Variants in ARHGEF10L observed in about 807,000 individuals in gnomAD.
ARHGEF10L encodes rho guanine nucleotide exchange factor 10-like protein.
ARHGEF10L carries 69 observed loss-of-function variants against 141.2 expected under a neutral mutation model. The observed-to-expected ratio is 0.49, with a 90% CI of 0.40 to 0.60. The LOEUF is 0.60. ARHGEF10L is among the 20% of genes least tolerant of loss of function. ARHGEF10L has a pLI of 0.00. For synonymous variants in ARHGEF10L, 711 were observed against 718.5 expected, an observed-to-expected ratio of 0.99 and a Z score of 0.17; for missense variants, 1,482 against 1,734.3, an observed-to-expected ratio of 0.85 and a Z score of 2.58.
At chr1:17,519,507 G>A in the ARHGEF10L span, among the ~76,000 whole-genome samples, 4 of 152,112 alleles carry the variant, frequency 2.6e-5, no homozygotes, top group Non-Finnish European at 5.9e-5. Flanking sequence ...CTACTTGGGA[G>A]GCTGAGGTGG....
intron 1 of ARHGEF10L, among the ~76,000 whole-genome samples, chr1:17,574,797 G>T (rs1315984251): frequency 3.9e-5 from 6 of 152,200 alleles, no homozygotes; most frequent in Non-Finnish European, 1.5e-5. Context: ...GCCCTGCGTG[G>T]GGGAGCCGTG....
the ARHGEF10L span, among the ~76,000 whole-genome samples, chr1:17,533,756 A>T: frequency 6.6e-6 from 1 of 152,148 alleles, no homozygotes; most frequent in Non-Finnish European, 1.5e-5. Flanking sequence ...GGAGGGTTTC[A>T]TCTTGATGAG....
chr1:17,697,228 G>C lies in ARHGEF10L; in HGVS notation c.3688G>C (p.Ala1230Pro). ...WVRSRPCARD[A>P]HRKEICSVAI... ...GCGCAGCCGGCCCTGCGCCCGCGAC[G>C]CCCACCGCAAGGAGATTTGCTCTGT... Residue 1230 changes from alanine to proline, a missense_variant, in exon 29 of 29, where the codon GCC (alanine) becomes CCC (proline). Coordinates refer to ENST00000361221, the MANE Select transcript of ARHGEF10L (RefSeq NM_018125.4). The surrounding 1 kb of genome is among the most constrained non-coding windows in gnomAD (Gnocchi z 4.8). 1 of 1,612,242 alleles carries C rather than the reference G, an allele frequency of 6.2e-7. No homozygotes were observed. The highest frequency in any genetic ancestry group is 8.5e-7 in the Non-Finnish European group (1 of 1,179,630).
intron 22 of ARHGEF10L, among the ~76,000 whole-genome samples, chr1:17,651,330 G>A (rs1337995349): frequency 6.6e-6 from 1 of 152,218 alleles, no homozygotes; most frequent in Non-Finnish European, 1.5e-5. Context: ...ATGCCAGATG[G>A]GGGGTTACCT....
chr1:17,593,620 C>T (rs562262788), intron 4 of ARHGEF10L, among the ~76,000 whole-genome samples: 2 of 152,268 alleles, frequency 1.3e-5, no homozygotes, highest in South Asian at 4.1e-4. Flanking sequence ...TGGGGGATGG[C>T]TTCTCCCCTG....
chr1:17,616,051 C>T, intron 8 of ARHGEF10L, 43 bp from the exon 9 acceptor site: 1 of 1,573,822 alleles, frequency 6.4e-7, no homozygotes, highest in South Asian at 1.1e-5. Flanking sequence ...AGCAGGCATC[C>T]CAGGCCGTCC....
At chr1:17,518,826 G>C in the ARHGEF10L span, among the ~76,000 whole-genome samples, 4 of 99,210 alleles carry the variant, frequency 4.0e-5, no homozygotes, top group African/African-American at 1.3e-4. Flanking sequence ...AAAAAAAAAA[G>C]AAAGAAAGAA....
chr1:17,634,899 G>A lies in ARHGEF10L; in HGVS notation c.1810G>A (p.Ala604Thr), dbSNP rs769120785. Residue 604 changes from alanine (A) to threonine (T), a missense_variant, in exon 18 of 29, where the codon GCG (alanine) becomes ACG (threonine). Transcript: ENST00000361221. The part of the protein sequence containing the change: ...GPKYVVKWNT[A>T]LPQVQVVEVG... ...CAAGTATGTGGTGAAGTGGAACACG[G>A]CGCTGCCCCAGGTGCAGGTGGTGGA... 6.8e-6 allele frequency: 11 copies of A among 1,614,022 alleles called. No individual in the cohort carries two copies. Among genetic ancestry groups the A allele is most frequent in the Non-Finnish European group, 8.5e-6 (10 of 1,180,006 alleles).
At chr1:17,582,544 G>C (rs1057013952) in intron 2 of ARHGEF10L, among the ~76,000 whole-genome samples, 47 of 152,208 alleles carry the variant, frequency 3.1e-4, no homozygotes, top group African/African-American at 1.1e-3. Flanking sequence ...ATTCCTGCGC[G>C]TGTCTTCAGC....
chr1:17,563,601 G>T (rs1178917746), intron 1 of ARHGEF10L, among the ~76,000 whole-genome samples: 8 of 152,136 alleles, frequency 5.3e-5, no homozygotes, highest in Non-Finnish European at 8.8e-5. Context: ...GCTCATGGAG[G>T]TGCTTAATAA....
rs1285276553 is a variant in ARHGEF10L at position 17,697,089 on chromosome 1, C to G, written c.3549C>G (p.Leu1183=). 1.2e-6 allele frequency: 2 copies of G among 1,607,744 alleles called. No homozygotes were observed. Among genetic ancestry groups the G allele is most frequent in the South Asian group, 1.1e-5 (1 of 90,618 alleles). ...LQYRLRSTAH[L]PGPLLSMREP... ...ACCGCCTGCGCTCCACCGCACACCT[C>G]CCGGGCCCGCTGCTCTCCATGCGGG... The change falls in exon 29 of 29, where the codon CTC becomes CTG. Residue 1183 remains leucine (L), a synonymous_variant. Transcript: ENST00000361221. This position sits in a 1 kb window ranked among gnomAD's most constrained non-coding sequence, Gnocchi z 4.8.
At chr1:17,674,738 G>A (rs1426370941) in intron 26 of ARHGEF10L, among the ~76,000 whole-genome samples, 1 of 152,190 alleles carries the variant, frequency 6.6e-6, no homozygotes, top group Non-Finnish European at 1.5e-5. Context: ...GGTCCTATAC[G>A]ATTACAATAC....
chr1:17,632,959 G>A (rs749129485), intron 16 of ARHGEF10L, among the ~76,000 whole-genome samples: 9 of 152,226 alleles, frequency 5.9e-5, no homozygotes, highest in Non-Finnish European at 8.8e-5. Flanking sequence ...CCCAAAGCCC[G>A]GCTGCTGGGC....
intron 1 of ARHGEF10L, among the ~76,000 whole-genome samples, chr1:17,574,755 T>C (rs971777861): frequency 6.6e-6 from 1 of 152,194 alleles, no homozygotes; most frequent in African/African-American, 2.4e-5. Flanking sequence ...CAGGTGGCCC[T>C]TTGCGCTGAG....
chr1:17,532,341 T>G, the ARHGEF10L span, among the ~76,000 whole-genome samples: 1 of 152,068 alleles, frequency 6.6e-6, no homozygotes, highest in East Asian at 1.9e-4. Flanking sequence ...CTTGTCTCCT[T>G]GTCCTTTCTG....
chr1:17,529,285 G>A, the ARHGEF10L span, among the ~76,000 whole-genome samples: 5 of 152,324 alleles, frequency 3.3e-5, no homozygotes, highest in East Asian at 3.9e-4. Flanking sequence ...TTACAGGCAC[G>A]AGTCACCACA....
At chr1:17,645,264 G>A (rs1435687064) in intron 21 of ARHGEF10L, among the ~76,000 whole-genome samples, 2 of 152,140 alleles carry the variant, frequency 1.3e-5, no homozygotes, top group Non-Finnish European at 2.9e-5. Context: ...CGCCACTCTG[G>A]TTTTGTGACG....
At position 17,603,351 on chromosome 1, in the gene ARHGEF10L, C is replaced by T. The variant is rs2080873328; in HGVS notation, c.350-157C>T. On this transcript the variant is annotated intron_variant, in intron 5 of 28. Coordinates refer to ENST00000361221, the MANE Select transcript of ARHGEF10L (RefSeq NM_018125.4). The surrounding 1 kb of genome is among the most constrained non-coding windows in gnomAD (Gnocchi z 4.8). The stretch of plus-strand genomic sequence containing the variant: ...GGGGAGAAGCGAGGGAGCCGGCATC[C>T]CCTGAGGGCAGCTGGCGGAGCTAAG... Among the ~76,000 whole-genome samples the T allele has an allele frequency of 6.6e-6, 1 of 151,894 alleles. No individual in the cohort carries two copies. Among genetic ancestry groups the T allele is most frequent in the African/African-American group, 2.4e-5 (1 of 41,356 alleles).
chr1:17,616,159 C>T lies in ARHGEF10L; in HGVS notation c.792C>T (p.Ala264=), dbSNP rs774422718. ...TKDGLEKTRM[A]VMRKVSFLHR... ...ATGGGCTGGAGAAGACACGGATGGC[C>T]GTGATGCGCAAAGTCTCCTTCCTGC... Residue 264 remains alanine (A), a synonymous_variant, in exon 9 of 29, where the codon GCC becomes GCT. Transcript: ENST00000361221. The T allele has an allele frequency of 1.2e-5, 20 of 1,608,276 alleles. No homozygotes were observed. In the Admixed American group the frequency reaches 1.7e-4, roughly 13 times the overall value.
Sources: gnomAD v4.1 joint callset for allele counts (sites outside exome capture counted in the v4.1 genomes callset) on GRCh38, gnomAD v4.1.1 for gene constraint, Gnocchi (gnomAD v3.1) non-coding constraint, MANE v1.5 for transcripts, NCBI Gene and HGNC (gene_info 2026-07-23, HGNC 2026-07-21) for gene names.